Variants in DNMT3B observed in about 807,000 individuals in gnomAD.
DNMT3B encodes DNA (cytosine-5)-methyltransferase 3B.
In DNMT3B, 37 loss-of-function variants were observed where a neutral mutation model predicts 120.2. The ratio of observed to expected loss-of-function variants is 0.31; its 90% confidence interval spans 0.24 to 0.40. The LOEUF is 0.40. Among genes scored for constraint, DNMT3B ranks in the 10% least tolerant of loss-of-function variants. The pLI is 1.00. For missense variants in DNMT3B, 878 were observed against 1,137.3 expected (o/e 0.77, Z 3.28); for synonymous variants, 412 against 442.8 (o/e 0.93, Z 0.87).
Position 32,762,624 on chromosome 20 carries a change from G to C in DNMT3B, c.-82G>C, listed in dbSNP as rs1289580183. The C allele has an allele frequency of 2.2e-5, 6 of 270,710 alleles. No homozygotes were observed. Among genetic ancestry groups the C allele is most frequent in the South Asian group, 3.2e-5 (1 of 31,648 alleles). The allele number at this position is 270,710 out of a possible 1,614,324, so 16.8% of individuals were successfully genotyped here. ...CGCGAGCCCAGCGCCCTGCACGGCC[G>C]CCAGCCGGCCTCCCGCCAGCCAGCC... On this transcript the variant is annotated 5_prime_UTR_variant, in exon 1 of 23. Coordinates refer to ENST00000328111, the MANE Select transcript of DNMT3B (RefSeq NM_006892.4).
chr20:32,803,224 C>T (rs140469972), intron 20 of DNMT3B, among the ~76,000 whole-genome samples: 1 of 152,342 alleles, frequency 6.6e-6, no homozygotes, highest in Non-Finnish European at 1.5e-5. Flanking sequence ...ATTATTTCTT[C>T]TATATGTGGT....
intron 1 of DNMT3B, among the ~76,000 whole-genome samples, chr20:32,768,420 C>G (rs1405411539): frequency 1.3e-5 from 2 of 152,026 alleles, no homozygotes; most frequent in Admixed American, 1.3e-4. Flanking sequence ...TCGAATTCCC[C>G]ACCTCAGGTG....
At chr20:32,780,565 A>C in intron 2 of DNMT3B, 100 bp downstream of exon 2, 1 of 1,524,722 alleles carries the variant, frequency 6.6e-7, no homozygotes, top group Non-Finnish European at 8.8e-7. Context: ...GACAACCTCC[A>C]CCACAATTCC....
chr20:32,801,200 C>G (rs972410335), intron 18 of DNMT3B, 78 bp from the exon 19 acceptor site: 119 of 1,607,190 alleles, frequency 7.4e-5, no homozygotes, highest in Non-Finnish European at 9.3e-5. Flanking sequence ...CATTGGGAAC[C>G]TGCTGGTCTC....
At chr20:32,778,404 G>A (rs961186069) in intron 1 of DNMT3B, among the ~76,000 whole-genome samples, 1 of 151,680 alleles carries the variant, frequency 6.6e-6, no homozygotes, top group African/African-American at 2.4e-5. Flanking sequence ...AGGACATCTA[G>A]CTTAGTGGTG....
intron 1 of DNMT3B, among the ~76,000 whole-genome samples, chr20:32,772,486 C>T (rs73112129): frequency 0.029 from 4,348 of 152,250 alleles, 80 homozygotes; most frequent in Non-Finnish European, 0.039. Context: ...GGGGACAGGG[C>T]TGTTGGCTCT....
rs1981235485 is a variant in DNMT3B, at chr20:32,800,768, T to C, written c.1906-67T>C. ...CCTCGTCCAGCCCCACGCAAGATTC[T>C]AGAAGTGGGTCCAGCTCTCTTTCCC... On this transcript the variant is annotated intron_variant, in intron 17 of 22. Transcript: ENST00000328111. 7 of 1,557,812 alleles carry C rather than the reference T, an allele frequency of 4.5e-6. No homozygotes were observed. In the East Asian group the frequency reaches 6.7e-5, roughly 15 times the overall value.
chr20:32,795,955 C>T (rs1259676827), intron 12 of DNMT3B, among the ~76,000 whole-genome samples: 1 of 152,220 alleles, frequency 6.6e-6, no homozygotes, highest in Non-Finnish European at 1.5e-5. Flanking sequence ...AGAGCCATAA[C>T]CTAAAACCAA....
chr20:32,787,725 G>A (rs142999760), intron 6 of DNMT3B, among the ~76,000 whole-genome samples: 582 of 152,250 alleles, frequency 3.8e-3, no homozygotes, highest in Non-Finnish European at 6.5e-3. Flanking sequence ...CTGCAACTGC[G>A]TACGTTATAC....
chr20:32,795,797 C>G (rs1980556449), intron 12 of DNMT3B, 103 bp downstream of exon 12: 3 of 1,491,646 alleles, frequency 2.0e-6, no homozygotes, highest in Non-Finnish European at 2.8e-6. Context: ...ACCCAGAGCT[C>G]TGTTCCTTAA....
In DNMT3B at chr20:32,797,250, T is replaced by A. The variant is rs1247590332; in HGVS notation, c.1441T>A (p.Cys481Ser). 1 of 1,614,226 alleles carries A rather than the reference T, an allele frequency of 6.2e-7. No homozygotes were observed. Among genetic ancestry groups the A allele is most frequent in the Admixed American group, 1.7e-5 (1 of 60,032 alleles). ...TGGCTATCAGTCTTACTGCACTGTG[T>A]GCTGCGAGGGCCGAGAGCTGCTGCT... Reference protein sequence around the residue: ...DDGYQSYCTVCCEGRELLLCS... With the variant: ...DDGYQSYCTVSCEGRELLLCS... Residue 481 changes from cysteine (C) to serine (S), a missense_variant, in exon 14 of 23, where the codon TGC becomes AGC. Coordinates refer to ENST00000328111, the MANE Select transcript of DNMT3B (RefSeq NM_006892.4).
chr20:32,769,088 A>T (rs980347331), intron 1 of DNMT3B, among the ~76,000 whole-genome samples: 5 of 151,984 alleles, frequency 3.3e-5, no homozygotes, highest in African/African-American at 9.7e-5. Flanking sequence ...ACTGTTGCAA[A>T]TTTTTTTATT....
At chr20:32,772,348 G>C (rs1257312430) in intron 1 of DNMT3B, among the ~76,000 whole-genome samples, 1 of 152,198 alleles carries the variant, frequency 6.6e-6, no homozygotes, top group Non-Finnish European at 1.5e-5. Flanking sequence ...ACTAAATACT[G>C]TGTAGATAGG....
chr20:32,783,629 G>C (rs1244839774), intron 3 of DNMT3B, among the ~76,000 whole-genome samples: 1 of 152,078 alleles, frequency 6.6e-6, no homozygotes, highest in Non-Finnish European at 1.5e-5. Flanking sequence ...AGGAATTAGG[G>C]CAGCTGCAGG....
chr20:32,783,870 C>T lies in DNMT3B; in HGVS notation c.205-888C>T, dbSNP rs536142292. ...CCTCCCAAGTAGCTGGGCTTACAGG[C>T]GTGCACCACCATGCCCAGCTAACTT... On this transcript the variant is annotated intron_variant, in intron 3 of 22. Transcript: ENST00000328111. Among the ~76,000 whole-genome samples, 451 of 151,730 alleles carry T rather than the reference C, an allele frequency of 3.0e-3. 2 individuals are homozygous for T. Among genetic ancestry groups the T allele is most frequent in the African/African-American group, 9.6e-3 (396 of 41,358 alleles).
intron 1 of DNMT3B, among the ~76,000 whole-genome samples, chr20:32,779,186 CATT>C (rs1380868347): frequency 1.3e-5 from 2 of 152,068 alleles, no homozygotes; most frequent in Non-Finnish European, 2.9e-5. Flanking sequence ...CTGGAGGTCT[CATT>C]ATGCCTAGGC....
rs773011198 is a variant in DNMT3B at position 32,786,547 on chromosome 20, A to G, written c.352A>G (p.Arg118Gly). 1.9e-6 allele frequency: 3 copies of G among 1,613,882 alleles called. No individual in the cohort carries two copies. Among genetic ancestry groups the G allele is most frequent in the Admixed American group, 3.3e-5 (2 of 60,014 alleles). ...CAGTGTCTCCAGCCGGGAGAGGCAC[A>G]GGCCTTCCCCACGTTCCACCCGAGG... ...NNSVSSRERH[R>G]PSPRSTRGRQ... Residue 118 changes from arginine to glycine, a missense_variant, in exon 5 of 23, where the codon AGG becomes GGG. This residue lies in a region of DNMT3B where 287 missense variants were observed against 306.2 expected (regional missense o/e 0.94). Coordinates refer to ENST00000328111, the MANE Select transcript of DNMT3B (RefSeq NM_006892.4).
rs781276935 is a variant in DNMT3B, at chr20:32,807,953, A to AGGAG, written c.*52_*55dup. 1 of 1,613,672 alleles carries AGGAG rather than the reference A, an allele frequency of 6.2e-7. No homozygotes were observed. Among genetic ancestry groups the AGGAG allele is most frequent in the East Asian group, 2.2e-5 (1 of 44,874 alleles). ...GGGGTGTGTGGCAGAGCCAGGACCC[A>AGGAG]GGAGGTGTGATTCCTGAAGGCATCC... On this transcript the variant is annotated 3_prime_UTR_variant, in exon 23 of 23. Transcript: ENST00000328111.
At chr20:32,804,414 A>C (rs935381790) in intron 20 of DNMT3B, among the ~76,000 whole-genome samples, 1 of 152,130 alleles carries the variant, frequency 6.6e-6, no homozygotes, top group African/African-American at 2.4e-5. Flanking sequence ...AGGTCAAGGA[A>C]ATCTATCAGT....
Sources: allele counts gnomAD v4.1 joint callset (sites outside exome capture counted in the v4.1 genomes callset), GRCh38; gene constraint gnomAD v4.1.1; regional missense constraint gnomAD v4.1.1; transcripts MANE v1.5; gene names NCBI Gene and HGNC (gene_info 2026-07-23, HGNC 2026-07-21).